Variants in CADPS2 observed in about 807,000 individuals in gnomAD.
CADPS2 encodes the protein calcium-dependent secretion activator 2.
A neutral mutation model predicts 172.5 loss-of-function variants in CADPS2; 93 were observed. The observed-to-expected ratio is 0.54, with a 90% CI of 0.46 to 0.64. The LOEUF (loss-of-function observed/expected upper bound fraction) is 0.64, where lower values mean the gene tolerates loss of function less well. Ranked by LOEUF, CADPS2 falls within the 30% of genes least tolerant of loss-of-function variation. The probability of loss-of-function intolerance (pLI) is 0.00; values close to 1 mark genes in which losing one functional copy is unlikely to be tolerated. For synonymous variants in CADPS2, 546 were observed against 555.2 expected, an observed-to-expected ratio of 0.98 and a Z score of 0.23; for missense variants, 1,420 against 1,565.9, an observed-to-expected ratio of 0.91 and a Z score of 1.57.
chr7:122,645,524 A>AAGTATATATATATT (rs199627947), intron 3 of CADPS2, among the ~76,000 whole-genome samples: 1 of 29,274 alleles, frequency 3.4e-5, no homozygotes, highest in African/African-American at 1.1e-4. Context: ...TTATATATAT[A>AAGTATATATATATT]TAAGTATATA....
At chr7:122,424,464 A>C in intron 17 of CADPS2, 1 of 237,976 alleles carries the variant, frequency 4.2e-6, no homozygotes, top group Non-Finnish European at 6.8e-6. Context: ...GCCAACAGTA[A>C]GTGCTGACCC....
At chr7:122,884,105 C>T (rs548470654) in intron 1 of CADPS2, among the ~76,000 whole-genome samples, 2 of 152,274 alleles carry the variant, frequency 1.3e-5, no homozygotes, top group Non-Finnish European at 2.9e-5. Flanking sequence ...GCAAAAGCAT[C>T]TTCAAGGATA....
At chr7:122,684,072 G>A (rs191466367) in intron 2 of CADPS2, among the ~76,000 whole-genome samples, 81 of 152,198 alleles carry the variant, frequency 5.3e-4, no homozygotes, top group African/African-American at 1.8e-3. Context: ...TTTATTAAAT[G>A]TATAGAGAGC....
At chr7:122,774,308 A>ACACT (rs1340372457) in intron 1 of CADPS2, among the ~76,000 whole-genome samples, 1 of 141,760 alleles carries the variant, frequency 7.1e-6, no homozygotes, top group Non-Finnish European at 1.5e-5. Context: ...ACACACACAC[A>ACACT]CACTCTGGAA....
At chr7:122,827,710 G>T (rs1805347251) in intron 1 of CADPS2, among the ~76,000 whole-genome samples, 1 of 151,124 alleles carries the variant, frequency 6.6e-6, no homozygotes, top group African/African-American at 2.4e-5. Flanking sequence ...AGGTAGGAGA[G>T]AATACTTCCT....
At chr7:122,396,648 A>G (rs1326083161) in intron 20 of CADPS2, among the ~76,000 whole-genome samples, 1 of 152,106 alleles carries the variant, frequency 6.6e-6, no homozygotes, top group African/African-American at 2.4e-5. Flanking sequence ...AATGACTTTC[A>G]CGATTCAATA....
intron 16 of CADPS2, 93 bp downstream of exon 16, chr7:122,441,419 T>A: frequency 1.4e-6 from 1 of 721,072 alleles, no homozygotes; most frequent in South Asian, 2.2e-5. Flanking sequence ...GTAGAGAGCA[T>A]AGAATAACGG....
At chr7:122,605,659 T>G (rs2073426286) in intron 6 of CADPS2, among the ~76,000 whole-genome samples, 2 of 152,154 alleles carry the variant, frequency 1.3e-5, no homozygotes, top group South Asian at 4.1e-4. Context: ...TATATATTTT[T>G]TCTCTGATCT....
At chr7:122,710,893 A>T (rs898690930) in intron 2 of CADPS2, among the ~76,000 whole-genome samples, 2 of 152,146 alleles carry the variant, frequency 1.3e-5, no homozygotes, top group Non-Finnish European at 2.9e-5. Flanking sequence ...TTCATTTTTT[A>T]AAAATCCTGT....
At chr7:122,778,918 C>T (rs941948431) in intron 1 of CADPS2, among the ~76,000 whole-genome samples, 2 of 152,230 alleles carry the variant, frequency 1.3e-5, no homozygotes, top group South Asian at 4.1e-4. Flanking sequence ...AATTGTAGAT[C>T]CCCACATGTC....
chr7:122,394,987 T>C (rs1369796505), intron 20 of CADPS2, among the ~76,000 whole-genome samples: 2 of 152,216 alleles, frequency 1.3e-5, no homozygotes, highest in African/African-American at 4.8e-5. Flanking sequence ...TCATTCACTT[T>C]TATGGATTTG....
intron 1 of CADPS2, among the ~76,000 whole-genome samples, chr7:122,751,727 G>A (rs1452532400): frequency 6.6e-6 from 1 of 152,130 alleles, no homozygotes; most frequent in Non-Finnish European, 1.5e-5. Flanking sequence ...CCCACACACT[G>A]CCACATGCTA....
chr7:122,597,034 CA>C (rs912106170), intron 6 of CADPS2, among the ~76,000 whole-genome samples: 1 of 151,904 alleles, frequency 6.6e-6, no homozygotes, highest in Non-Finnish European at 1.5e-5. Context: ...GAGTGAATGC[CA>C]GGCTCATTTT....
chr7:122,406,110 T>C (rs1357450738), intron 20 of CADPS2, among the ~76,000 whole-genome samples: 1 of 152,166 alleles, frequency 6.6e-6, no homozygotes, highest in Admixed American at 6.6e-5. Flanking sequence ...GTGCCCTAAA[T>C]TTAGGATGTC....
intron 18 of CADPS2, among the ~76,000 whole-genome samples, chr7:122,415,640 A>AC (rs1242173528): frequency 6.6e-6 from 1 of 151,134 alleles, no homozygotes; most frequent in South Asian, 2.1e-4. Context: ...AGTGGAAATT[A>AC]CCCCTTGGTT....
At chr7:122,558,032 AAGTC>A (rs1331344285) in intron 7 of CADPS2, among the ~76,000 whole-genome samples, 4 of 152,204 alleles carry the variant, frequency 2.6e-5, no homozygotes, top group Admixed American at 2.6e-4. Flanking sequence ...ATGTGGAAGA[AAGTC>A]ACACTTCTAT....
intron 17 of CADPS2, among the ~76,000 whole-genome samples, chr7:122,420,508 G>A (rs79329489): frequency 0.013 from 1,951 of 152,226 alleles, 22 homozygotes; most frequent in Middle Eastern, 0.027. Context: ...CACCCATTTG[G>A]CTAAGGCCAA....
At chr7:122,444,522 G>A (rs1044628792) in intron 15 of CADPS2, among the ~76,000 whole-genome samples, 3 of 152,182 alleles carry the variant, frequency 2.0e-5, no homozygotes, top group Admixed American at 1.3e-4. Context: ...TAAGTATGCA[G>A]TGGTATCTAA....
At chr7:122,369,070 A>AT (rs1437860641) in intron 25 of CADPS2, among the ~76,000 whole-genome samples, 4 of 136,976 alleles carry the variant, frequency 2.9e-5, no homozygotes, top group East Asian at 2.1e-4. Flanking sequence ...TAATGCTCCT[A>AT]TTTTTTTTCC....
Sources: gnomAD v4.1 joint callset for allele counts (sites outside exome capture counted in the v4.1 genomes callset) on GRCh38, gnomAD v4.1.1 for gene constraint, MANE v1.5 for transcripts, NCBI Gene and HGNC (gene_info 2026-07-23, HGNC 2026-07-21) for gene names.